The following HEG1 variants were observed in gnomAD, a reference collection of about 807,000 sequenced individuals.
HEG1 encodes heart development protein with EGF like domains 1.
A neutral mutation model predicts 125.6 loss-of-function variants in HEG1; 56 were observed. The ratio of observed to expected loss-of-function variants is 0.45; its 90% confidence interval spans 0.36 to 0.56. The LOEUF is 0.56. HEG1 is among the 20% of genes least tolerant of loss of function. The probability of loss-of-function intolerance (pLI) is 0.00; values close to 1 mark genes in which losing one functional copy is unlikely to be tolerated. For missense variants in HEG1, 1,523 were observed against 1,670.0 expected (o/e 0.91, Z 1.53); for synonymous variants, 644 against 668.5 (o/e 0.96, Z 0.57).
rs772307256 is a variant in HEG1, at chr3:124,973,800, T to A, written c.3927A>T (p.Arg1309=). The A allele has an allele frequency of 6.2e-7, 1 of 1,614,004 alleles. No homozygotes were observed. Among genetic ancestry groups the A allele is most frequent in the South Asian group, 1.1e-5 (1 of 91,082 alleles). The change falls in exon 16 of 17, where the codon CGA becomes CGT. Residue 1309 remains arginine, a synonymous_variant. Transcript: ENST00000311127. ...CATTCTCATGCATTTCAATAGCTTCTCGGCCCCATTCTTGTGAGCGAGGAT... is the reference window on the plus strand; with the variant it reads ...CATTCTCATGCATTTCAATAGCTTCACGGCCCCATTCTTGTGAGCGAGGAT... ...PKNPRSQEWG[R]EAIEMHENGS... is the part of the protein sequence containing the mutation.
At chr3:124,992,203 G>A (rs530115375) in intron 12 of HEG1, among the ~76,000 whole-genome samples, 12 of 152,214 alleles carry the variant, frequency 7.9e-5, no homozygotes, top group East Asian at 1.9e-4. Context: ...TGTGCTAATC[G>A]GCACCTTGCC....
intron 7 of HEG1, 132 bp downstream of exon 7, chr3:125,010,307 T>C (rs368279221): frequency 1.8e-5 from 11 of 599,922 alleles, no homozygotes; most frequent in African/African-American, 1.7e-4. Flanking sequence ...CCTACAAACA[T>C]GCTGACTCTC....
chr3:124,990,768 T>C lies in HEG1; in HGVS notation c.3733+19A>G, dbSNP rs1395199983. On this transcript the variant is annotated intron_variant, in intron 14 of 16. Transcript: ENST00000311127. ...CCAGGCCCCTGCCCACGCATAATGG[T>C]CCACTTTTGTACACTTACGGTTTCC... 2 of 1,556,706 alleles carry C rather than the reference T, an allele frequency of 1.3e-6. No homozygotes were observed. The highest frequency in any genetic ancestry group is 1.7e-6 in the Non-Finnish European group (2 of 1,149,528).
rs1049000906 is a variant in HEG1, at chr3:125,013,018, A to G, written c.2561T>C (p.Met854Thr). The G allele has an allele frequency of 3.1e-6, 5 of 1,614,066 alleles. No individual in the cohort carries two copies. The highest frequency in any genetic ancestry group is 2.2e-5 in the East Asian group (1 of 44,894). Residue 854 changes from methionine to threonine, a missense_variant, in exon 6 of 17, where the codon ATG becomes ACG. Coordinates refer to ENST00000311127, the MANE Select transcript of HEG1 (RefSeq NM_020733.2). ...TTILKTSQPL[M>T]TTPGTLSSTA... ...GCTTGACAGGGTGCCAGGAGTGGTC[A>G]TAAGAGGCTGAGAGGTCTTCAGAAT... is the stretch of plus-strand genomic sequence containing the variant.
chr3:124,993,985 G>T (rs1285129487), intron 12 of HEG1, among the ~76,000 whole-genome samples: 1 of 152,126 alleles, frequency 6.6e-6, no homozygotes, highest in Non-Finnish European at 1.5e-5. Context: ...GTGCTCCTGT[G>T]CTCCTTAGGA....
intron 1 of HEG1, among the ~76,000 whole-genome samples, chr3:125,043,614 T>C (rs919327809): frequency 6.6e-6 from 1 of 152,042 alleles, no homozygotes; most frequent in Non-Finnish European, 1.5e-5. Context: ...TCCAACACAG[T>C]GGCTGAAGAG....
At chr3:124,973,965 C>A in intron 15 of HEG1, 60 bp from the exon 16 acceptor site, 2 of 1,140,846 alleles carry the variant, frequency 1.8e-6, no homozygotes, top group South Asian at 1.4e-5. Context: ...ACTGTGAAAG[C>A]ACCAACTATG....
chr3:125,004,377 G>C (rs773781054), intron 9 of HEG1, among the ~76,000 whole-genome samples: 1 of 152,204 alleles, frequency 6.6e-6, no homozygotes, highest in Non-Finnish European at 1.5e-5. Flanking sequence ...CTGTATAGAT[G>C]AGTCAAATCT....
intron 15 of HEG1, among the ~76,000 whole-genome samples, chr3:124,977,611 T>C (rs1298376415): frequency 1.3e-5 from 2 of 152,244 alleles, no homozygotes; most frequent in Non-Finnish European, 2.9e-5. Context: ...ATTTCTTTTT[T>C]CATTTCCTGC....
chr3:124,988,569 T>G (rs1192514356), intron 14 of HEG1, among the ~76,000 whole-genome samples: 2 of 152,148 alleles, frequency 1.3e-5, no homozygotes, highest in Non-Finnish European at 2.9e-5. Flanking sequence ...CTCTGGGACT[T>G]CTAAAGAGTA....
Position 125,012,872 on chromosome 3 carries a change from T to C in HEG1, c.2707A>G (p.Arg903Gly), listed in dbSNP as rs1230486261. The change falls in exon 6 of 17, where the codon AGG becomes GGG. Residue 903 changes from arginine (R) to glycine (G), a missense_variant. Coordinates refer to ENST00000311127, the MANE Select transcript of HEG1 (RefSeq NM_020733.2). ...GTAGCATCCACAATCACTCGGTTCCTTTCTGTGCTGATGCCACCTTCTGTT... is the reference window on the plus strand; with the variant it reads ...GTAGCATCCACAATCACTCGGTTCCCTTCTGTGCTGATGCCACCTTCTGTT... Reference protein sequence around the residue: ...ISTEGGISTERNRVIVDATTG... With the variant: ...ISTEGGISTEGNRVIVDATTG... The C allele has an allele frequency of 6.2e-7, 1 of 1,614,028 alleles. No individual in the cohort carries two copies.
At chr3:125,014,837 A>G (rs1428784198) in intron 5 of HEG1, 3 of 1,289,850 alleles carry the variant, frequency 2.3e-6, no homozygotes, top group Non-Finnish European at 2.0e-6. Context: ...CTGCTTCCCC[A>G]GAAGTCGTGC....
At position 124,966,917 on chromosome 3, in the gene HEG1, G is replaced by C. The variant is rs1294993229; in HGVS notation, c.*3735C>G. 2.6e-5 allele frequency: 4 copies of C among 152,168 alleles called. No individual in the cohort carries two copies. Among genetic ancestry groups the C allele is most frequent in the Admixed American group, 1.3e-4 (2 of 15,274 alleles). 9.4% of individuals were successfully genotyped at this position (152,168 alleles called of 1,614,324 possible). A position where few individuals can be genotyped will look rare whatever the true frequency, so the allele number is the denominator to read the frequency against. On this transcript the variant is annotated 3_prime_UTR_variant, in exon 17 of 17. Coordinates refer to ENST00000311127, the MANE Select transcript of HEG1 (RefSeq NM_020733.2). ...TCTGGGAACTTTCACATCTGAATAG[G>C]TGTCATCCTTCAATGGCATATTCTT... is the stretch of plus-strand genomic sequence containing the variant.
Position 125,022,915 on chromosome 3 carries a change from C to T in HEG1, c.914-1785G>A, listed in dbSNP as rs200424269. Among the ~76,000 whole-genome samples, 19 of 152,208 alleles carry T rather than the reference C, an allele frequency of 1.2e-4. No individual in the cohort carries two copies. In the East Asian group the frequency reaches 3.3e-3, roughly 26 times the overall value. ...TTCCCATCAAAATCCAGTGGTCGGC[C>T]GGGTGCAGTGGCTCATGCCTGTAAT... is the stretch of plus-strand genomic sequence containing the variant. On this transcript the variant is annotated intron_variant, in intron 3 of 16. Coordinates refer to ENST00000311127, the MANE Select transcript of HEG1 (RefSeq NM_020733.2).
intron 1 of HEG1, among the ~76,000 whole-genome samples, chr3:125,054,523 TGA>T (rs1270049689): frequency 5.9e-5 from 9 of 152,214 alleles, no homozygotes; most frequent in Admixed American, 6.5e-5. Flanking sequence ...GAAACTTAAA[TGA>T]ATTGTCAATT....
At chr3:125,004,515 G>C (rs957090529) in intron 9 of HEG1, among the ~76,000 whole-genome samples, 1 of 151,882 alleles carries the variant, frequency 6.6e-6, no homozygotes, top group African/African-American at 2.4e-5. Flanking sequence ...TTTGAGACAG[G>C]GTCTCACTCT....
At chr3:124,975,411 A>G (rs986355033) in intron 15 of HEG1, among the ~76,000 whole-genome samples, 3 of 152,140 alleles carry the variant, frequency 2.0e-5, no homozygotes, top group Admixed American at 6.5e-5. Context: ...TCCTTTTCCA[A>G]TAGAAACCCA....
At chr3:125,038,307 C>T (rs747825180) in intron 1 of HEG1, among the ~76,000 whole-genome samples, 9 of 152,212 alleles carry the variant, frequency 5.9e-5, no homozygotes, top group East Asian at 1.9e-4. Flanking sequence ...GAGCTTAGGA[C>T]GCACAGCGTG....
chr3:125,031,787 C>A (rs986245788), intron 1 of HEG1, among the ~76,000 whole-genome samples: 12 of 151,324 alleles, frequency 7.9e-5, no homozygotes, highest in African/African-American at 2.9e-4. Flanking sequence ...CATACACATA[C>A]ACTTAAACAC....
Sources: allele counts gnomAD v4.1 joint callset (sites outside exome capture counted in the v4.1 genomes callset), GRCh38; gene constraint gnomAD v4.1.1; transcripts MANE v1.5; gene names NCBI Gene and HGNC (gene_info 2026-07-23, HGNC 2026-07-21).